B3GALNT2: variants seen among roughly 807,000 people sequenced by gnomAD.
B3GALNT2 encodes beta-1,3-N-acetylgalactosaminyltransferase 2.
A neutral mutation model predicts 61.1 loss-of-function variants in B3GALNT2; 53 were observed. The ratio of observed to expected loss-of-function variants is 0.87; its 90% CI spans 0.70 to 1.09. B3GALNT2 has a LOEUF of 1.09. Ranked by LOEUF, B3GALNT2 falls within the 50% of genes least tolerant of loss-of-function variation. The pLI, the probability that B3GALNT2 is intolerant of heterozygous loss-of-function variation, is 0.00. For synonymous variants in B3GALNT2, 223 were observed against 237.4 expected (o/e 0.94, Z 0.56); for missense variants, 544 against 623.0 (o/e 0.87, Z 1.35).
chr1:235,477,024 C>CA (rs113918092), intron 5 of B3GALNT2, among the ~76,000 whole-genome samples: 7,428 of 110,558 alleles, frequency 0.067, 301 homozygotes, highest in African/African-American at 0.14. Context: ...GAGCCTGTCT[C>CA]AAAAAAAAAA....
Position 235,504,452 on chromosome 1 carries a change from T to G in B3GALNT2, c.-200A>C. On this transcript the variant is annotated 5_prime_UTR_variant, in exon 1 of 12. Transcript: ENST00000366600. ...CCTCAGACCGCGGGTGGCCGCGGCT[T>G]AGCCGGCCGAAGCCCCGCCCCCTCC... 2.0e-6 allele frequency: 1 copy of G among 501,850 alleles called. No homozygotes were observed. Among genetic ancestry groups the G allele is most frequent in the East Asian group, 4.1e-5 (1 of 24,482 alleles). The allele number at this position is 501,850 out of a possible 1,614,324, so 31.1% of individuals were successfully genotyped here. A position where few individuals can be genotyped will look rare whatever the true frequency, so the allele number is the denominator to read the frequency against.
chr1:235,494,748 C>G lies in B3GALNT2; in HGVS notation c.193G>C (p.Glu65Gln). 6.2e-7 allele frequency: 1 copy of G among 1,612,906 alleles called. No homozygotes were observed. Among genetic ancestry groups the G allele is most frequent in the Non-Finnish European group, 8.5e-7 (1 of 1,178,968 alleles). The change falls in exon 2 of 12, where the codon GAA (glutamate) becomes CAA (glutamine). Residue 65 changes from glutamate (E) to glutamine (Q), a missense_variant. Transcript: ENST00000366600. ...VGVLSARNNH[E>Q]LRNVIRSTWM... ...GTGCTTCTTATCACGTTTCGAAGTT[C>G]ATGGTTATTGCGAGCTGACAACACG...
intron 8 of B3GALNT2, 31 bp from the exon 9 acceptor site, chr1:235,455,715 T>G (rs1044997362): frequency 6.3e-6 from 10 of 1,593,294 alleles, no homozygotes; most frequent in Non-Finnish European, 8.6e-6. Flanking sequence ...AGAAAGTCAG[T>G]GCGACCAAAC....
chr1:235,472,573 C>G (rs921374759), intron 5 of B3GALNT2, among the ~76,000 whole-genome samples: 1 of 152,168 alleles, frequency 6.6e-6, no homozygotes, highest in Non-Finnish European at 1.5e-5. Context: ...AAGACAAACA[C>G]CTTGAGAACA....
In B3GALNT2 at chr1:235,465,728, G is replaced by A. The variant is rs769384070; in HGVS notation, c.763-14C>T. ...ACCCTCCCCAGCCTGAAAGGAATAAGAATGTACTCAGTGATTCATTACTAA... is the reference window on the plus strand; with the variant it reads ...ACCCTCCCCAGCCTGAAAGGAATAAAAATGTACTCAGTGATTCATTACTAA... On this transcript the variant is annotated splice_polypyrimidine_tract_variant and intron_variant, in intron 6 of 11. Coordinates refer to ENST00000366600, the MANE Select transcript of B3GALNT2 (RefSeq NM_152490.5). 1.2e-6 allele frequency: 2 copies of A among 1,610,296 alleles called. No homozygotes were observed. The highest frequency in any genetic ancestry group is 1.7e-6 in the Non-Finnish European group (2 of 1,178,952).
At chr1:235,452,736 G>C (rs939344575) in intron 11 of B3GALNT2, among the ~76,000 whole-genome samples, 2 of 152,004 alleles carry the variant, frequency 1.3e-5, no homozygotes, top group Non-Finnish European at 2.9e-5. Flanking sequence ...AGTTTTTGTA[G>C]AGACGGGGGG....
At chr1:235,474,985 A>ATTT (rs1558425516) in intron 5 of B3GALNT2, among the ~76,000 whole-genome samples, 15 of 37,790 alleles carry the variant, frequency 4.0e-4, no homozygotes, top group Non-Finnish European at 5.9e-4. Flanking sequence ...ATATATATAT[A>ATTT]TATTTTTTTT....
At position 235,486,107 on chromosome 1, in the gene B3GALNT2, C is replaced by T. The variant is rs562255393; in HGVS notation, c.362-1592G>A. Reference sequence around the variant, plus strand: ...CCCTGTCTCAAAAAAAAAGAAATTACATTTTCTTCCTATACTCTAGGTCAT... The same window carrying T: ...CCCTGTCTCAAAAAAAAAGAAATTATATTTTCTTCCTATACTCTAGGTCAT... On this transcript the variant is annotated intron_variant, in intron 3 of 11. Coordinates refer to ENST00000366600, the MANE Select transcript of B3GALNT2 (RefSeq NM_152490.5). Among the ~76,000 whole-genome samples the T allele has an allele frequency of 2.6e-5, 4 of 152,104 alleles. No individual in the cohort carries two copies. The East Asian group carries it at 7.7e-4, about 29-fold the overall frequency.
Position 235,448,913 on chromosome 1 carries a change from G to A in B3GALNT2, c.*1293C>T, listed in dbSNP as rs189034185. 14 of 673,980 alleles carry A rather than the reference G, an allele frequency of 2.1e-5. No homozygotes were observed. Among genetic ancestry groups the A allele is most frequent in the Admixed American group, 1.7e-4 (8 of 47,054 alleles). 41.7% of individuals were successfully genotyped at this position (673,980 alleles called of 1,614,324 possible). On this transcript the variant is annotated 3_prime_UTR_variant, in exon 12 of 12. Coordinates refer to ENST00000366600, the MANE Select transcript of B3GALNT2 (RefSeq NM_152490.5). ...CAAGGGATGTATTTTTTGTTGGGAA[G>A]TGACCATTTCTAGGCTTATACATAA...
At chr1:235,490,313 C>T (rs1685003243) in intron 2 of B3GALNT2, among the ~76,000 whole-genome samples, 1 of 152,186 alleles carries the variant, frequency 6.6e-6, no homozygotes, top group African/African-American at 2.4e-5. Context: ...TCTTTGCAGT[C>T]TCCACCTTTC....
In B3GALNT2 at chr1:235,474,950, CATATATATATAT is replaced by C. The variant is rs1159752267; in HGVS notation, c.652-4002_652-3991del. On this transcript the variant is annotated intron_variant, in intron 5 of 11. Coordinates refer to ENST00000366600, the MANE Select transcript of B3GALNT2 (RefSeq NM_152490.5). ...ATTAAGGACAACATAAAATTAGAGA[CATATATATATAT>C]ATATATATATATATATATATATATA... 6.0e-3 allele frequency among the ~76,000 whole-genome samples: 234 copies of C among 39,304 alleles called. 9 individuals carry two copies. The highest frequency in any genetic ancestry group is 0.019 in the South Asian group (15 of 800). 25.8% of individuals were successfully genotyped at this position (39,304 alleles called of 152,430 possible). A position where few individuals can be genotyped will look rare whatever the true frequency, so the allele number is the denominator to read the frequency against.
chr1:235,467,961 G>A (rs1028343316), intron 6 of B3GALNT2, among the ~76,000 whole-genome samples: 3 of 151,690 alleles, frequency 2.0e-5, no homozygotes, highest in African/African-American at 7.3e-5. Context: ...TATATTTTTA[G>A]TAGAGACGGG....
Position 235,449,143 on chromosome 1 carries a change from G to A in B3GALNT2, c.*1063C>T, listed in dbSNP as rs1682722670. ...TCTATTGAAACTACTATTTTAAAGGGTTACTAGAAATGATTTGGTTGGTCA... is the reference window on the plus strand; with the variant it reads ...TCTATTGAAACTACTATTTTAAAGGATTACTAGAAATGATTTGGTTGGTCA... On this transcript the variant is annotated 3_prime_UTR_variant, in exon 12 of 12. Transcript: ENST00000366600. The A allele has an allele frequency of 3.9e-6, 1 of 253,906 alleles. No individual in the cohort carries two copies. Among genetic ancestry groups the A allele is most frequent in the Non-Finnish European group, 7.7e-6 (1 of 130,682 alleles). 15.7% of individuals were successfully genotyped at this position (253,906 alleles called of 1,614,324 possible).
intron 4 of B3GALNT2, among the ~76,000 whole-genome samples, chr1:235,480,743 T>G (rs918584225): frequency 1.3e-5 from 2 of 151,128 alleles, no homozygotes; most frequent in African/African-American, 2.4e-5. Flanking sequence ...AAATTTCTAC[T>G]AAAAATACAA....
downstream of B3GALNT2, among the ~76,000 whole-genome samples, chr1:235,442,204 CTT>C (rs1681936361): frequency 6.6e-6 from 1 of 151,860 alleles, no homozygotes; most frequent in African/African-American, 2.4e-5. Context: ...GAGTTTTGCT[CTT>C]GTTGCCCAGA....
intron 1 of B3GALNT2, among the ~76,000 whole-genome samples, chr1:235,495,761 T>C (rs1558442432): frequency 6.6e-6 from 1 of 152,166 alleles, no homozygotes; most frequent in African/African-American, 2.4e-5. Context: ...CTTTCTCCAG[T>C]GGTGGGAACT....
chr1:235,504,070 A>G, intron 1 of B3GALNT2, 71 bp downstream of exon 1: 1 of 1,198,420 alleles, frequency 8.3e-7, no homozygotes, highest in African/African-American at 1.6e-5. Flanking sequence ...TTCCCGGCGA[A>G]GCCCCGCGGC....
chr1:235,503,022 G>A (rs544322021), intron 1 of B3GALNT2, among the ~76,000 whole-genome samples: 8 of 152,224 alleles, frequency 5.3e-5, no homozygotes, highest in Non-Finnish European at 1.2e-4. Context: ...CAAAGAGCTA[G>A]TGATCTAATA....
chr1:235,484,616 AT>A, intron 3 of B3GALNT2, 101 bp from the exon 4 acceptor site: 4 of 1,411,954 alleles, frequency 2.8e-6, no homozygotes, highest in Non-Finnish European at 3.7e-6. Flanking sequence ...CTAGGTAATC[AT>A]TTGCTATATA....
Sources: allele counts gnomAD v4.1 joint callset (sites outside exome capture counted in the v4.1 genomes callset), GRCh38; gene constraint gnomAD v4.1.1; transcripts MANE v1.5; gene names NCBI Gene and HGNC (gene_info 2026-07-23, HGNC 2026-07-21).